Variants in SNRPN observed in about 807,000 individuals in gnomAD.
SNRPN encodes small nuclear ribonucleoprotein-associated protein N.
In SNRPN, 7 loss-of-function variants were observed where a neutral mutation model predicts 25.2. The observed-to-expected ratio is 0.28, with a 90% CI of 0.16 to 0.52. The LOEUF (loss-of-function observed/expected upper bound fraction) is 0.52. SNRPN is among the 20% of genes least tolerant of loss of function. The pLI is 0.96. For missense variants in SNRPN, 196 were observed against 322.5 expected, an observed-to-expected ratio of 0.61 and a Z score of 3.00; for synonymous variants, 124 against 110.6, an observed-to-expected ratio of 1.12 and a Z score of -0.76.
intron 3 of SNRPN, among the ~76,000 whole-genome samples, chr15:24,973,814 G>C (rs575033157): frequency 6.6e-6 from 1 of 152,124 alleles, no homozygotes; most frequent in Admixed American, 6.5e-5. Flanking sequence ...GGAAGTCTTA[G>C]GCAGGTTTAT....
intron 6 of SNRPN, 33 bp downstream of exon 6, chr15:24,976,449 A>T: frequency 3.7e-6 from 5 of 1,360,256 alleles, no homozygotes; most frequent in Non-Finnish European, 5.2e-6. Context: ...CAGAACTTTA[A>T]TTTGCAGGGA....
chr15:24,956,357 G>GGGGT (rs1555404331), intron 1 of SNRPN, among the ~76,000 whole-genome samples: 2 of 151,704 alleles, frequency 1.3e-5, no homozygotes, highest in African/African-American at 2.4e-5. Flanking sequence ...GCTTCAGCGG[G>GGGGT]GGGGTGGCCG....
intron 2 of SNRPN, among the ~76,000 whole-genome samples, chr15:24,831,980 C>G (rs530941100): frequency 6.6e-6 from 1 of 151,868 alleles, no homozygotes; most frequent in African/African-American, 2.4e-5. Flanking sequence ...ATGAAATCTC[C>G]CAAGGCAGAT....
At chr15:24,975,757 C>T (rs1396890698) in intron 5 of SNRPN, among the ~76,000 whole-genome samples, 2 of 152,052 alleles carry the variant, frequency 1.3e-5, no homozygotes, top group Non-Finnish European at 2.9e-5. Context: ...TCAGAATACT[C>T]GTATTTATTT....
rs116126768 is a variant in SNRPN, at chr15:24,860,727, A to T, written c.-579+4011A>T. ...TCTCATGCAATTTATTGAATACTGT[A>T]CTGAAACAGAAAAACAGAAAGATTG... On this transcript the variant is annotated intron_variant, in intron 1 of 11. Coordinates refer to the SNRPN transcript ENST00000400097. Among the ~76,000 whole-genome samples, 1,013 of 152,326 alleles carry T rather than the reference A, an allele frequency of 6.7e-3. 13 individuals are homozygous for T. The highest frequency in any genetic ancestry group is 0.023 in the African/African-American group (976 of 41,578).
At chr15:24,924,838 G>T (rs2060275451) in intron 3 of SNRPN, among the ~76,000 whole-genome samples, 1 of 152,006 alleles carries the variant, frequency 6.6e-6, no homozygotes, top group Admixed American at 6.6e-5. Context: ...AAATGTGCAG[G>T]CAGGAAGAAA....
At chr15:24,909,705 C>T in intron 2 of SNRPN, 4 of 1,233,256 alleles carry the variant, frequency 3.2e-6, no homozygotes, top group Non-Finnish European at 4.7e-6. Flanking sequence ...TTATTTTTAT[C>T]CTGTATCACC....
At chr15:24,934,348 TA>T in intron 3 of SNRPN, among the ~76,000 whole-genome samples, 1 of 151,740 alleles carries the variant, frequency 6.6e-6, no homozygotes, top group African/African-American at 2.4e-5. Flanking sequence ...TAGCATTTAA[TA>T]AAAATTATAT....
chr15:24,884,295 C>T (rs774892002), intron 1 of SNRPN, among the ~76,000 whole-genome samples: 7 of 152,218 alleles, frequency 4.6e-5, no homozygotes, highest in Non-Finnish European at 7.4e-5. Flanking sequence ...GATGGATCCA[C>T]GGCACTTCAG....
intron 2 of SNRPN, among the ~76,000 whole-genome samples, chr15:24,896,238 G>A (rs2058072277): frequency 6.6e-6 from 1 of 152,154 alleles, no homozygotes; most frequent in African/African-American, 2.4e-5. Context: ...GACAGTAGTG[G>A]AAACACCTTA....
At chr15:24,870,296 T>G (rs1413659317) in intron 1 of SNRPN, among the ~76,000 whole-genome samples, 2 of 152,146 alleles carry the variant, frequency 1.3e-5, no homozygotes, top group African/African-American at 4.8e-5. Context: ...CTGGGTCATC[T>G]GTCGATTTGA....
At chr15:24,829,822 A>G (rs2050374177) in exon 2 of SNRPN, 1 of 152,070 alleles carries the variant, frequency 6.6e-6, no homozygotes, top group African/African-American at 2.4e-5. Flanking sequence ...TGTGGATCTG[A>G]AAATTCACAG....
At chr15:24,940,682 TTC>T (rs1431342902) in intron 3 of SNRPN, among the ~76,000 whole-genome samples, 1 of 152,096 alleles carries the variant, frequency 6.6e-6, no homozygotes, top group Non-Finnish European at 1.5e-5. Flanking sequence ...TGACCAGGAG[TTC>T]TGACAACTTT....
chr15:24,879,573 A>G (rs1566861148), intron 1 of SNRPN, among the ~76,000 whole-genome samples: 1 of 152,244 alleles, frequency 6.6e-6, no homozygotes, highest in East Asian at 1.9e-4. Context: ...CAAAGCAGCA[A>G]TTAGTGGCGA....
rs1085307632 is a variant in SNRPN, at chr15:24,977,809, C to T, written c.452C>T (p.Ala151Val). The change falls in exon 8 of 10, where the codon GCA becomes GTA. Residue 151 changes from alanine (A) to valine (V), a missense_variant. Physicochemically the swap from Ala to Val is moderately conservative, Grantham distance 64 (BLOSUM62 0). Transcript: ENST00000390687. ...ACTCCACAGGGAAGAGGCACTGTAG[C>T]AGCTGCTGCTGTTGCTGCGACTGCC... Reference protein sequence around the residue: ...VMTPQGRGTVAAAAVAATASI... With the variant: ...VMTPQGRGTVVAAAVAATASI... The T allele has an allele frequency of 3.1e-6, 5 of 1,613,160 alleles. No homozygotes were observed. In the South Asian group the frequency reaches 5.5e-5, roughly 18 times the overall value.
At chr15:24,856,527 C>G (rs1165164645), upstream of SNRPN, 5 of 152,280 alleles carry the variant, frequency 3.3e-5, no homozygotes, top group African/African-American at 4.8e-5. Context: ...CCACGCCCAC[C>G]AAGGGCGGGG....
chr15:24,859,630 A>G (rs1203431198), intron 1 of SNRPN, among the ~76,000 whole-genome samples: 1 of 152,214 alleles, frequency 6.6e-6, no homozygotes, highest in African/African-American at 2.4e-5. Context: ...AGACCCCAAG[A>G]GAGGGTTGCC....
chr15:24,925,020 A>G (rs555827674), intron 3 of SNRPN, among the ~76,000 whole-genome samples: 2 of 152,230 alleles, frequency 1.3e-5, no homozygotes, highest in East Asian at 1.9e-4. Flanking sequence ...TCCAAATTCT[A>G]TTAGCTAGTA....
At chr15:24,891,041 G>A (rs1278662348) in intron 2 of SNRPN, among the ~76,000 whole-genome samples, 2 of 152,096 alleles carry the variant, frequency 1.3e-5, no homozygotes, top group African/African-American at 2.4e-5. Context: ...CTCCCCAGTA[G>A]CTGTGATTTC....
Sources: gnomAD v4.1 joint callset for allele counts (sites outside exome capture counted in the v4.1 genomes callset) on GRCh38, gnomAD v4.1.1 for gene constraint, MANE v1.5 for transcripts, NCBI Gene and HGNC (gene_info 2026-07-23, HGNC 2026-07-21) for gene names.